The following SRPK2 variants were observed in gnomAD, a reference collection of about 807,000 sequenced individuals.
SRPK2 encodes the protein SRSF protein kinase 2.
SRPK2 carries 21 observed loss-of-function variants against 90.8 expected under a neutral mutation model. The observed-to-expected ratio is 0.23, with a 90% confidence interval of 0.16 to 0.33. SRPK2 has a LOEUF of 0.33. Among genes scored for constraint, SRPK2 ranks in the 10% least tolerant of loss-of-function variants. SRPK2 has a pLI of 1.00. For synonymous variants in SRPK2, 288 were observed against 311.1 expected, an observed-to-expected ratio of 0.93 and a Z score of 0.78; for missense variants, 620 against 869.0, an observed-to-expected ratio of 0.71 and a Z score of 3.60.
intron 3 of SRPK2, among the ~76,000 whole-genome samples, chr7:105,198,066 T>C (rs1286796283): frequency 6.6e-6 from 1 of 152,236 alleles, no homozygotes; most frequent in East Asian, 1.9e-4. Flanking sequence ...ATTGCACGTA[T>C]AGTATGAAGG....
At chr7:105,229,741 A>G (rs1057412169) in intron 2 of SRPK2, among the ~76,000 whole-genome samples, 1 of 148,324 alleles carries the variant, frequency 6.7e-6, no homozygotes, top group African/African-American at 2.5e-5. Context: ...TCATATACAG[A>G]GCAAAAAGAT....
chr7:105,149,519 T>C (rs1337365160), intron 7 of SRPK2, among the ~76,000 whole-genome samples: 1 of 152,174 alleles, frequency 6.6e-6, no homozygotes, highest in East Asian at 1.9e-4. Context: ...CCGGTGCCGG[T>C]GCAGGTCCTT....
At chr7:105,182,384 G>C (rs186142427) in intron 3 of SRPK2, among the ~76,000 whole-genome samples, 1 of 151,658 alleles carries the variant, frequency 6.6e-6, no homozygotes, top group African/African-American at 2.4e-5. Flanking sequence ...AACAAGAATG[G>C]TACATTGAAT....
At chr7:105,264,975 G>C (rs1804842091) in intron 2 of SRPK2, among the ~76,000 whole-genome samples, 1 of 152,134 alleles carries the variant, frequency 6.6e-6, no homozygotes, top group Non-Finnish European at 1.5e-5. Flanking sequence ...TTTGTTACCT[G>C]AGTTCCCTGA....
In SRPK2 at chr7:105,338,448, T is replaced by C. The variant is rs575541987; in HGVS notation, c.71+50200A>G. Among the ~76,000 whole-genome samples the C allele has an allele frequency of 2.6e-5, 4 of 152,236 alleles. No individual in the cohort carries two copies. The East Asian group carries it at 7.7e-4, about 29-fold the overall frequency. On this transcript the variant is annotated intron_variant, in intron 2 of 15. Transcript: ENST00000393651. ...TTTTAGTGGAGTCGGGGTTTCACTA[T>C]CTTGGCCACACTGATTTCAAACTCC...
intron 2 of SRPK2, 141 bp downstream of exon 2, chr7:105,388,507 G>C (rs1220939368): frequency 6.7e-6 from 3 of 449,114 alleles, no homozygotes; most frequent in African/African-American, 2.1e-5. Flanking sequence ...CCGCCCGCCG[G>C]GGGCAGGAGC....
At chr7:105,306,415 T>A (rs965469491) in intron 2 of SRPK2, 2 of 419,780 alleles carry the variant, frequency 4.8e-6, no homozygotes, top group Non-Finnish European at 9.2e-6. Flanking sequence ...AACCAAGATG[T>A]TTAAGTAGAA....
At chr7:105,171,819 G>A (rs1378808158) in intron 3 of SRPK2, among the ~76,000 whole-genome samples, 2 of 152,126 alleles carry the variant, frequency 1.3e-5, no homozygotes, top group Non-Finnish European at 2.9e-5. Context: ...ATTATTAAAT[G>A]GCTTACTACT....
rs1313007015 is a variant in SRPK2, at chr7:105,176,745, GTA to G, written c.230-7482_230-7481del. ...TGTGTGTATGTATGTATGTATGTGT[GTA>G]TATGTGTGTGTGTGTGTGTGTGTGT... is the stretch of plus-strand genomic sequence containing the variant. On this transcript the variant is annotated intron_variant, in intron 3 of 15. Transcript: ENST00000393651. 3.5e-3 allele frequency among the ~76,000 whole-genome samples: 325 copies of G among 92,224 alleles called. 2 individuals are homozygous for G. Among genetic ancestry groups the G allele is most frequent in the African/African-American group, 9.9e-3 (252 of 25,436 alleles). The allele number at this position is 92,224 out of a possible 152,430, so 60.5% of individuals were successfully genotyped here. A position where few individuals can be genotyped will look rare whatever the true frequency, so the allele number is the denominator to read the frequency against.
chr7:105,384,542 C>T (rs2132729368), intron 2 of SRPK2, among the ~76,000 whole-genome samples: 1 of 152,268 alleles, frequency 6.6e-6, no homozygotes, highest in South Asian at 2.1e-4. Context: ...AAGCCAGACC[C>T]ACAGTCACAT....
intron 2 of SRPK2, among the ~76,000 whole-genome samples, chr7:105,327,824 G>A (rs550476924): frequency 7.9e-5 from 12 of 152,200 alleles, no homozygotes; most frequent in East Asian, 5.8e-4. Flanking sequence ...TTTTTGAGAC[G>A]GAGTCTCGCT....
At chr7:105,226,554 A>T (rs1057228664) in intron 2 of SRPK2, among the ~76,000 whole-genome samples, 5 of 152,106 alleles carry the variant, frequency 3.3e-5, no homozygotes, top group African/African-American at 9.7e-5. Context: ...AGCTTCCCAA[A>T]GTGCTGGAAA....
intron 3 of SRPK2, among the ~76,000 whole-genome samples, chr7:105,185,368 C>T (rs1398523120): frequency 1.3e-5 from 2 of 151,728 alleles, no homozygotes; most frequent in East Asian, 1.9e-4. Flanking sequence ...AAACTAAAAG[C>T]CCTAATTATC....
chr7:105,191,544 T>C (rs1794281371), intron 3 of SRPK2, among the ~76,000 whole-genome samples: 1 of 152,158 alleles, frequency 6.6e-6, no homozygotes, highest in Non-Finnish European at 1.5e-5. Context: ...CGCAATAGAA[T>C]GAGACACTCT....
At chr7:105,342,073 A>G (rs939238065) in intron 2 of SRPK2, among the ~76,000 whole-genome samples, 13 of 152,028 alleles carry the variant, frequency 8.6e-5, no homozygotes, top group Non-Finnish European at 1.9e-4. Flanking sequence ...AGACCATCCT[A>G]GCTAACACAG....
intron 2 of SRPK2, among the ~76,000 whole-genome samples, chr7:105,322,742 C>T (rs1417485944): frequency 7.5e-5 from 10 of 132,488 alleles, no homozygotes; most frequent in Non-Finnish European, 1.3e-4. Flanking sequence ...TGAATATAAC[C>T]TCAATTAAAA....
At chr7:105,317,507 G>C (rs1440644326) in intron 2 of SRPK2, among the ~76,000 whole-genome samples, 2 of 152,204 alleles carry the variant, frequency 1.3e-5, no homozygotes, top group East Asian at 3.9e-4. Flanking sequence ...GACAAGCCTT[G>C]GTTATTCAAA....
At chr7:105,295,695 G>A (rs898786055) in intron 2 of SRPK2, among the ~76,000 whole-genome samples, 2 of 152,104 alleles carry the variant, frequency 1.3e-5, no homozygotes, top group Admixed American at 6.5e-5. Flanking sequence ...CAGTGGTCAC[G>A]GTTACAAAAC....
At chr7:105,356,880 G>T (rs554666920) in intron 2 of SRPK2, among the ~76,000 whole-genome samples, 22 of 152,224 alleles carry the variant, frequency 1.4e-4, no homozygotes, top group African/African-American at 5.1e-4. Context: ...GAAAGACCCT[G>T]AGACAGCTAG....
Sources: allele counts gnomAD v4.1 joint callset (sites outside exome capture counted in the v4.1 genomes callset), GRCh38; gene constraint gnomAD v4.1.1; transcripts MANE v1.5; gene names NCBI Gene and HGNC (gene_info 2026-07-23, HGNC 2026-07-21).